KCND2: variants seen among roughly 807,000 people sequenced by gnomAD.
The protein encoded by KCND2 is potassium voltage-gated channel subfamily D member 2.
Under a neutral mutation model 54.4 loss-of-function variants are expected in KCND2, and 16 were observed. That is an observed-to-expected ratio of 0.29 (90% CI 0.20 to 0.45). The LOEUF (loss-of-function observed/expected upper bound fraction) is 0.45. Among genes scored for constraint, KCND2 ranks in the 20% least tolerant of loss-of-function variants. The pLI is 1.00. For synonymous variants in KCND2, 317 were observed against 310.7 expected (o/e 1.02, Z -0.21); for missense variants, 486 against 824.2 (o/e 0.59, Z 5.02).
At chr7:120,475,838 T>C (rs1802526347) in intron 1 of KCND2, among the ~76,000 whole-genome samples, 1 of 152,184 alleles carries the variant, frequency 6.6e-6, no homozygotes. Flanking sequence ...TTAAATTTGT[T>C]TAAAAATAAG....
At chr7:120,728,483 GT>G (rs1365477845) in intron 1 of KCND2, among the ~76,000 whole-genome samples, 1 of 151,880 alleles carries the variant, frequency 6.6e-6, no homozygotes, top group African/African-American at 2.4e-5. Flanking sequence ...TAGAGATGGG[GT>G]TTCTCCATGT....
rs749241344 is a variant in KCND2, at chr7:120,347,637, A to G, written c.1115+71890A>G. On this transcript the variant is annotated intron_variant, in intron 1 of 5. Transcript: ENST00000331113. ...CTGGGCATGGTGTCGTGCGCCTGTA[A>G]TCCCAGCTACTTGGGAGGCTGAGGC... Among the ~76,000 whole-genome samples, 8 of 151,996 alleles carry G rather than the reference A, an allele frequency of 5.3e-5. 1 individual carries two copies. Among genetic ancestry groups the G allele is most frequent in the Admixed American group, 2.0e-4 (3 of 15,242 alleles).
intron 1 of KCND2, among the ~76,000 whole-genome samples, chr7:120,552,121 A>T (rs1792111424): frequency 6.6e-6 from 1 of 152,348 alleles, no homozygotes; most frequent in East Asian, 1.9e-4. Context: ...TGCAAATCCT[A>T]GTATGAAGTT....
intron 1 of KCND2, among the ~76,000 whole-genome samples, chr7:120,675,708 G>A (rs908553660): frequency 2.6e-5 from 4 of 152,058 alleles, no homozygotes; most frequent in Non-Finnish European, 5.9e-5. Context: ...TCAAGAATAG[G>A]ATGACCTCTC....
intron 1 of KCND2, among the ~76,000 whole-genome samples, chr7:120,467,341 C>A (rs1316114727): frequency 6.6e-6 from 1 of 152,076 alleles, no homozygotes; most frequent in Non-Finnish European, 1.5e-5. Context: ...ATTCTCAAGA[C>A]TAAACTAGAA....
intron 1 of KCND2, among the ~76,000 whole-genome samples, chr7:120,559,308 T>A (rs560391210): frequency 1.8e-4 from 28 of 152,340 alleles, no homozygotes; most frequent in African/African-American, 6.7e-4. Context: ...GCCGAGTGTG[T>A]TGTATTTGCC....
chr7:120,360,039 G>A (rs1220712517), intron 1 of KCND2, among the ~76,000 whole-genome samples: 1 of 152,004 alleles, frequency 6.6e-6, no homozygotes, highest in African/African-American at 2.4e-5. Flanking sequence ...CTTTATAGGA[G>A]TGTGAGAATG....
chr7:120,601,468 C>T (rs1352942340), intron 1 of KCND2, among the ~76,000 whole-genome samples: 2 of 148,702 alleles, frequency 1.3e-5, no homozygotes, highest in African/African-American at 2.6e-5. Flanking sequence ...ATAAGTAAGG[C>T]GTTTTTTTTG....
At chr7:120,710,466 C>G (rs1020400097) in intron 1 of KCND2, among the ~76,000 whole-genome samples, 3 of 152,088 alleles carry the variant, frequency 2.0e-5, no homozygotes, top group Admixed American at 6.6e-5. Context: ...AGGAGAAGAA[C>G]CTTGTACTCT....
intron 1 of KCND2, among the ~76,000 whole-genome samples, chr7:120,410,935 C>T (rs927245487): frequency 1.3e-5 from 2 of 151,866 alleles, no homozygotes; most frequent in African/African-American, 4.8e-5. Context: ...TTTTCTTAAT[C>T]CAGATTATCA....
chr7:120,628,282 A>C, intron 1 of KCND2, among the ~76,000 whole-genome samples: 1 of 152,190 alleles, frequency 6.6e-6, no homozygotes, highest in East Asian at 1.9e-4. Context: ...AAAGGTGCAA[A>C]AATCTAAACT....
chr7:120,544,208 A>G (rs1043852066), intron 1 of KCND2, among the ~76,000 whole-genome samples: 27 of 151,950 alleles, frequency 1.8e-4, no homozygotes, highest in Admixed American at 4.6e-4. Context: ...TTGAGGTTAT[A>G]TGTTAAGGCA....
intron 1 of KCND2, among the ~76,000 whole-genome samples, chr7:120,423,090 C>A (rs1801649655): frequency 6.6e-6 from 1 of 152,186 alleles, no homozygotes; most frequent in Non-Finnish European, 1.5e-5. Flanking sequence ...AAATTGCCTA[C>A]AACAGGGCTT....
At position 120,634,058 on chromosome 7, in the gene KCND2, C is replaced by T. The variant is rs1793272320; in HGVS notation, c.1116-98845C>T. ...AATCACTAGCTAATGTCACCATGAT[C>T]TAACAGGCATTTATAGAATCTTTTT... On this transcript the variant is annotated intron_variant, in intron 1 of 5. Coordinates refer to ENST00000331113, the MANE Select transcript of KCND2 (RefSeq NM_012281.3). Among the ~76,000 whole-genome samples the T allele has an allele frequency of 2.6e-5, 4 of 152,120 alleles. No individual in the cohort carries two copies. The South Asian group carries it at 8.3e-4, about 31-fold the overall frequency.
At chr7:120,422,205 C>T (rs1031663976) in intron 1 of KCND2, among the ~76,000 whole-genome samples, 2 of 152,144 alleles carry the variant, frequency 1.3e-5, no homozygotes, top group Non-Finnish European at 2.9e-5. Flanking sequence ...ATGAGTCTTA[C>T]CATTCTGGCT....
At chr7:120,336,686 G>C (rs1800156683) in intron 1 of KCND2, among the ~76,000 whole-genome samples, 1 of 152,034 alleles carries the variant, frequency 6.6e-6, no homozygotes, top group Admixed American at 6.6e-5. Context: ...AATAAAATCA[G>C]TTTTTCTAAT....
At chr7:120,723,204 G>C (rs1054850593) in intron 1 of KCND2, among the ~76,000 whole-genome samples, 1 of 152,154 alleles carries the variant, frequency 6.6e-6, no homozygotes. Context: ...AGGGAAGCTG[G>C]TGCCATCAGC....
At chr7:120,571,166 C>A (rs1036164830) in intron 1 of KCND2, among the ~76,000 whole-genome samples, 2 of 152,168 alleles carry the variant, frequency 1.3e-5, no homozygotes, top group East Asian at 3.8e-4. Flanking sequence ...GGTGTACAGA[C>A]TACATGTCCC....
At chr7:120,502,693 A>C (rs1802954334) in intron 1 of KCND2, among the ~76,000 whole-genome samples, 1 of 151,972 alleles carries the variant, frequency 6.6e-6, no homozygotes, top group African/African-American at 2.4e-5. Context: ...ACTCTGCTAA[A>C]CTCCAGCACC....
Sources: allele counts gnomAD v4.1 joint callset (sites outside exome capture counted in the v4.1 genomes callset), GRCh38; gene constraint gnomAD v4.1.1; transcripts MANE v1.5; gene names NCBI Gene and HGNC (gene_info 2026-07-23, HGNC 2026-07-21).